KDM4C: variants seen among roughly 807,000 people sequenced by gnomAD.
KDM4C encodes lysine demethylase 4C.
KDM4C carries 81 observed loss-of-function variants against 129.3 expected under a neutral mutation model. The observed-to-expected ratio is 0.63, with a 90% CI of 0.52 to 0.75. The LOEUF is 0.75. KDM4C is among the 30% of genes least tolerant of loss of function. The probability of loss-of-function intolerance (pLI) is 0.00; values close to 1 mark genes in which losing one functional copy is unlikely to be tolerated. For missense variants in KDM4C, 1,457 were observed against 1,304.0 expected (o/e 1.12, Z -1.81); for synonymous variants, 573 against 456.1 (o/e 1.26, Z -3.26).
At chr9:6,931,141 A>C (rs1823657697) in intron 8 of KDM4C, among the ~76,000 whole-genome samples, 1 of 146,840 alleles carries the variant, frequency 6.8e-6, no homozygotes, top group African/African-American at 2.5e-5. Flanking sequence ...ACACAAACAC[A>C]CTTTATGTCT....
At chr9:6,923,927 T>C (rs573828021) in intron 8 of KDM4C, among the ~76,000 whole-genome samples, 53 of 152,318 alleles carry the variant, frequency 3.5e-4, no homozygotes, top group African/African-American at 1.2e-3. Context: ...CCGATGCTTA[T>C]GGCTGCTGCA....
At chr9:7,118,757 T>A (rs1032020584) in intron 18 of KDM4C, among the ~76,000 whole-genome samples, 1 of 152,202 alleles carries the variant, frequency 6.6e-6, no homozygotes, top group African/African-American at 2.4e-5. Context: ...CATACATTAT[T>A]GCATTTGGAT....
intron 15 of KDM4C, among the ~76,000 whole-genome samples, chr9:7,021,928 A>G (rs1824932869): frequency 6.6e-6 from 1 of 152,062 alleles, no homozygotes; most frequent in African/African-American, 2.4e-5. Context: ...TTCCCAATGT[A>G]TATTCTTGTC....
intron 1 of KDM4C, among the ~76,000 whole-genome samples, chr9:6,736,061 C>A (rs572887240): frequency 3.3e-5 from 5 of 152,236 alleles, no homozygotes; most frequent in Admixed American, 3.3e-4. Context: ...GCATTTTACC[C>A]CTGCCCTAGA....
At chr9:7,089,646 G>A (rs751058989) in intron 17 of KDM4C, among the ~76,000 whole-genome samples, 5 of 152,116 alleles carry the variant, frequency 3.3e-5, no homozygotes, top group East Asian at 1.9e-4. Flanking sequence ...GCCTAATACC[G>A]AGCAAATAAC....
intron 15 of KDM4C, among the ~76,000 whole-genome samples, chr9:7,031,632 C>T (rs1826797730): frequency 2.0e-5 from 3 of 151,870 alleles, no homozygotes; most frequent in Non-Finnish European, 1.5e-5. Flanking sequence ...CACACAGATA[C>T]ATATATATGT....
At chr9:7,111,861 A>G (rs1432643542) in intron 18 of KDM4C, among the ~76,000 whole-genome samples, 1 of 152,174 alleles carries the variant, frequency 6.6e-6, no homozygotes, top group African/African-American at 2.4e-5. Context: ...AGTTAGGGAA[A>G]TGTTCTTGGC....
intron 8 of KDM4C, among the ~76,000 whole-genome samples, chr9:6,959,395 C>T (rs1313639836): frequency 6.6e-6 from 1 of 152,178 alleles, no homozygotes; most frequent in African/African-American, 2.4e-5. Context: ...CTGTCAGAGG[C>T]TCTTGGAGAA....
Position 6,825,393 on chromosome 9 carries a change from A to G in KDM4C, c.435+10648A>G, listed in dbSNP as rs575460490. Among the ~76,000 whole-genome samples the G allele has an allele frequency of 1.6e-3, 251 of 152,350 alleles. 2 individuals carry two copies. The highest frequency in any genetic ancestry group is 4.6e-3 in the South Asian group (22 of 4,828). On this transcript the variant is annotated intron_variant, in intron 4 of 21. Coordinates refer to ENST00000381309, the MANE Select transcript of KDM4C (RefSeq NM_015061.6). ...CTTGACAACTGCTTCGGTAAGATAC[A>G]TAGCAAAAGATGACTTATCTATTGC...
At chr9:7,005,255 G>C (rs986068219) in intron 12 of KDM4C, among the ~76,000 whole-genome samples, 1 of 152,072 alleles carries the variant, frequency 6.6e-6, no homozygotes, top group Non-Finnish European at 1.5e-5. Context: ...GGCCAACATG[G>C]TGAAACCCCA....
At chr9:7,108,268 A>T (rs1411073510) in intron 18 of KDM4C, among the ~76,000 whole-genome samples, 2 of 151,332 alleles carry the variant, frequency 1.3e-5, no homozygotes, top group African/African-American at 4.9e-5. Flanking sequence ...ACAGGGTCTT[A>T]CTCTGTTACC....
chr9:6,775,811 G>A (rs1368809878), intron 1 of KDM4C, among the ~76,000 whole-genome samples: 3 of 152,172 alleles, frequency 2.0e-5, no homozygotes, highest in Non-Finnish European at 4.4e-5. Context: ...ATGAGCCACT[G>A]CGCCCAGCGA....
intron 1 of KDM4C, among the ~76,000 whole-genome samples, chr9:6,735,610 C>T (rs757984549): frequency 2.6e-5 from 4 of 152,174 alleles, no homozygotes; most frequent in Non-Finnish European, 1.5e-5. Flanking sequence ...TGCATGCTGC[C>T]ATCCATGTGA....
intron 19 of KDM4C, among the ~76,000 whole-genome samples, chr9:7,159,314 G>T (rs948160271): frequency 1.8e-4 from 28 of 152,212 alleles, no homozygotes; most frequent in African/African-American, 6.5e-4. Flanking sequence ...TTCAATTGGG[G>T]CATTTAGCCC....
At chr9:7,058,584 C>T (rs1831195767) in intron 17 of KDM4C, among the ~76,000 whole-genome samples, 2 of 152,078 alleles carry the variant, frequency 1.3e-5, no homozygotes, top group African/African-American at 2.4e-5. Context: ...CAAACCAAGG[C>T]ATCAAATTGC....
chr9:6,787,288 AGTG>A (rs1825689089), intron 1 of KDM4C, among the ~76,000 whole-genome samples: 2 of 152,218 alleles, frequency 1.3e-5, no homozygotes, highest in South Asian at 4.1e-4. Context: ...GCTAGAGTGC[AGTG>A]GCACCGTCTT....
intron 1 of KDM4C, among the ~76,000 whole-genome samples, chr9:6,738,736 C>T (rs1394491131): frequency 2.0e-5 from 3 of 152,090 alleles, no homozygotes; most frequent in East Asian, 1.9e-4. Context: ...CATGCCACCA[C>T]GCCCAACTAA....
At chr9:6,770,545 G>C (rs1014614031) in intron 1 of KDM4C, among the ~76,000 whole-genome samples, 1 of 151,286 alleles carries the variant, frequency 6.6e-6, no homozygotes, top group Non-Finnish European at 1.5e-5. Flanking sequence ...CATATGGCAT[G>C]ATAATACATC....
chr9:6,933,530 G>T lies in KDM4C; in HGVS notation c.921+40298G>T, dbSNP rs532768698. ...ATTCTTCCCCTGGGAATCTGGCTCT[G>T]CAAAATTACTTTCAGGCTGAATTTG... is the stretch of plus-strand genomic sequence containing the variant. On this transcript the variant is annotated intron_variant, in intron 8 of 21. Coordinates refer to ENST00000381309, the MANE Select transcript of KDM4C (RefSeq NM_015061.6). Among the ~76,000 whole-genome samples, 4 of 152,284 alleles carry T rather than the reference G, an allele frequency of 2.6e-5. No homozygotes were observed. In the East Asian group the frequency reaches 5.8e-4, roughly 22 times the overall value.
Sources: gnomAD v4.1 joint callset for allele counts (sites outside exome capture counted in the v4.1 genomes callset) on GRCh38, gnomAD v4.1.1 for gene constraint, MANE v1.5 for transcripts, NCBI Gene and HGNC (gene_info 2026-07-23, HGNC 2026-07-21) for gene names.